Variants in APOL2 observed in about 807,000 individuals in gnomAD.
APOL2 encodes apolipoprotein L, 2.
Under a neutral mutation model 7.1 loss-of-function variants are expected in APOL2, and 8 were observed. That is an observed-to-expected ratio of 1.12 (90% confidence interval 0.66 to 2.03). The LOEUF (loss-of-function observed/expected upper bound fraction) is 2.03, where lower values mean the gene tolerates loss of function less well. APOL2 is among the 30% of genes most tolerant of loss of function. The pLI, the probability that APOL2 is intolerant of heterozygous loss-of-function variation, is 0.00. For synonymous variants in APOL2, 177 were observed against 159.9 expected (o/e 1.11, Z -0.81); for missense variants, 471 against 415.1 (o/e 1.13, Z -1.17).
chr22:36,232,233 T>G (rs1221034501), intron 3 of APOL2, among the ~76,000 whole-genome samples: 3 of 152,278 alleles, frequency 2.0e-5, no homozygotes, highest in African/African-American at 7.2e-5. Flanking sequence ...TTTGGTTTTC[T>G]CAATTCATGA....
At chr22:36,229,498 C>G (rs994858428) in intron 4 of APOL2, among the ~76,000 whole-genome samples, 70 of 152,358 alleles carry the variant, frequency 4.6e-4, no homozygotes, top group African/African-American at 1.5e-3. Context: ...AGAACACAGC[C>G]TCCTGAGGAC....
At chr22:36,235,385 C>T (rs1245044902) in intron 1 of APOL2, among the ~76,000 whole-genome samples, 1 of 151,960 alleles carries the variant, frequency 6.6e-6, no homozygotes, top group Non-Finnish European at 1.5e-5. Flanking sequence ...GGAAACAGAC[C>T]AAGATGACCA....
chr22:36,237,291 C>A, intron 1 of APOL2: 1 of 1,351,890 alleles, frequency 7.4e-7, no homozygotes, highest in South Asian at 2.1e-5. Flanking sequence ...CAGCTCTGAG[C>A]CAAGCTCTCC....
In APOL2 at chr22:36,233,245, G is replaced by A. The variant is rs771624821; in HGVS notation, c.-79-4C>T. 1 of 1,613,994 alleles carries A rather than the reference G, an allele frequency of 6.2e-7. No individual in the cohort carries two copies. Among genetic ancestry groups the A allele is most frequent in the Non-Finnish European group, 8.5e-7 (1 of 1,179,958 alleles). On this transcript the variant is annotated splice_region_variant and splice_polypyrimidine_tract_variant and intron_variant, in intron 2 of 4. Transcript: ENST00000358502. The stretch of plus-strand genomic sequence containing the variant: ...GACTGGAAGGTTTTCCTTAACCCTT[G>A]AGAACGAGAAAACAAATTGTGGGAT...
In APOL2 at chr22:36,228,126, T is replaced by C; in HGVS notation, c.292A>G (p.Lys98Glu). Residue 98 changes from lysine to glutamate, a missense_variant, in exon 5 of 5, where the codon AAG becomes GAG. By Grantham distance (56) the Lys-to-Glu change is moderately conservative. Transcript: ENST00000358502. ...LKRELEDHIR[K>E]LRALAEEVEQ... ...ACCTCCTCTGCAAGGGCACGGAGCT[T>C]CCTTATGTGATCCTCAAGCTCCCTT... is the stretch of plus-strand genomic sequence containing the variant. 1 of 1,614,200 alleles carries C rather than the reference T, an allele frequency of 6.2e-7. No homozygotes were observed. Among genetic ancestry groups the C allele is most frequent in the Non-Finnish European group, 8.5e-7 (1 of 1,180,040 alleles).
intron 3 of APOL2, 57 bp from the exon 4 acceptor site, chr22:36,231,523 C>T (rs1261443459): frequency 8.9e-6 from 14 of 1,581,498 alleles, no homozygotes; most frequent in Admixed American, 1.7e-5. Context: ...GCATAACAGC[C>T]ATTGCACATT....
upstream of APOL2, chr22:36,239,925 C>G (rs1290992496): frequency 5.2e-6 from 1 of 190,808 alleles, no homozygotes; most frequent in African/African-American, 2.3e-5. Context: ...CAGTGCAATT[C>G]CAGGCTCTGC....
chr22:36,233,149 C>A lies in APOL2; in HGVS notation c.10+4G>T. 6.2e-7 allele frequency: 1 copy of A among 1,614,008 alleles called. No individual in the cohort carries two copies. ...ACTAGCCAGGAAAGAGGAAGCGAGCCTACCTGGGTTCATGGTGCCAGCGGC... is the reference window on the plus strand; with the variant it reads ...ACTAGCCAGGAAAGAGGAAGCGAGCATACCTGGGTTCATGGTGCCAGCGGC... On this transcript the variant is annotated splice_donor_region_variant and intron_variant, in intron 3 of 4. Transcript: ENST00000358502.
chr22:36,231,497 AG>A, intron 3 of APOL2, 31 bp from the exon 4 acceptor site: 3 of 1,608,842 alleles, frequency 1.9e-6, no homozygotes, highest in Non-Finnish European at 2.6e-6. Context: ...ATAAGGTTGG[AG>A]GATAGTGTAG....
At chr22:36,231,973 C>A (rs895745363) in intron 3 of APOL2, among the ~76,000 whole-genome samples, 1 of 152,202 alleles carries the variant, frequency 6.6e-6, no homozygotes, top group Non-Finnish European at 1.5e-5. Flanking sequence ...TTTGTTTTTT[C>A]TTTGACTCAA....
Position 36,231,363 on chromosome 22 carries a change from G to T in APOL2, c.114C>A (p.Phe38Leu), listed in dbSNP as rs748031710. 4.3e-6 allele frequency: 7 copies of T among 1,614,020 alleles called. No homozygotes were observed. The Admixed American group carries it at 5.0e-5, about 12-fold the overall frequency. Residue 38 changes from phenylalanine to leucine, a missense_variant, in exon 4 of 5, where the codon TTC (phenylalanine) becomes TTA (leucine). Coordinates refer to ENST00000358502, the MANE Select transcript of APOL2 (RefSeq NM_030882.4). ...LLTDDEAWNG[F>L]VAAAELPRDE... is the part of the protein sequence containing the mutation. ...ACCTGGGCAGTTCAGCAGCAGCCAC[G>T]AATCCATTCCAGGCTTCATCATCAG...
intron 1 of APOL2, chr22:36,234,465 T>C (rs2015334795): frequency 6.6e-6 from 1 of 152,220 alleles, no homozygotes; most frequent in Non-Finnish European, 1.5e-5. Context: ...AAGTGCTGGA[T>C]TACAAACATG....
At position 36,226,887 on chromosome 22, in the gene APOL2, T is replaced by C. The variant is rs2015012180; in HGVS notation, c.*517A>G. ...TCTCCTCCCTTATTGCAGGCTCCAG[T>C]GTTCCTGCCTTCTCCTTGGTGCACT... On this transcript the variant is annotated 3_prime_UTR_variant, in exon 5 of 5. Transcript: ENST00000358502. 1 of 161,432 alleles carries C rather than the reference T, an allele frequency of 6.2e-6. No individual in the cohort carries two copies. 10.0% of individuals were successfully genotyped at this position (161,432 alleles called of 1,614,324 possible).
At chr22:36,239,138 T>G in intron 1 of APOL2, 1 of 1,201,066 alleles carries the variant, frequency 8.3e-7, no homozygotes, top group Non-Finnish European at 1.0e-6. Context: ...ACACCTACCT[T>G]TCTTCTGGGG....
At chr22:36,236,590 T>A in intron 1 of APOL2, 1 of 985,418 alleles carries the variant, frequency 1.0e-6, no homozygotes, top group Non-Finnish European at 1.2e-6. Context: ...ATTGTTCTTT[T>A]CTCACCTTGT....
At chr22:36,238,016 G>A (rs563804360) in intron 1 of APOL2, among the ~76,000 whole-genome samples, 11 of 152,188 alleles carry the variant, frequency 7.2e-5, no homozygotes, top group South Asian at 2.1e-4. Context: ...TGGTCCATGC[G>A]GCGGCCCCCA....
chr22:36,229,037 G>A (rs961335544), intron 4 of APOL2, among the ~76,000 whole-genome samples: 30 of 152,148 alleles, frequency 2.0e-4, no homozygotes, highest in African/African-American at 6.3e-4. Context: ...ACTAGGCGCC[G>A]ACCTTGGCCT....
chr22:36,228,487 A>C (rs2015104127), intron 4 of APOL2, among the ~76,000 whole-genome samples: 1 of 152,246 alleles, frequency 6.6e-6, no homozygotes, highest in Admixed American at 6.5e-5. Flanking sequence ...ATATGGAAAT[A>C]AATATCTTAA....
At position 36,228,260 on chromosome 22, in the gene APOL2, C is replaced by A. The variant is rs749979854; in HGVS notation, c.158G>T (p.Arg53Leu). 2 of 1,613,726 alleles carry A rather than the reference C, an allele frequency of 1.2e-6. No individual in the cohort carries two copies. The highest frequency in any genetic ancestry group is 1.7e-5 in the Admixed American group (1 of 59,984). The change falls in exon 5 of 5, where the codon CGT becomes CTT. Residue 53 changes from arginine (R) to leucine (L), a missense_variant. Arg to Leu is a moderately radical substitution (Grantham distance 102). Transcript: ENST00000358502. The part of the protein sequence containing the change: ...ELPRDEADEL[R>L]KALNKLASHM... ...ACTTGCAAGCTTGTTCAGAGCTTTA[C>A]GGAGCTCATCTGCCTCATCCCTGCA...
Sources: gnomAD v4.1 joint callset for allele counts (sites outside exome capture counted in the v4.1 genomes callset) on GRCh38, gnomAD v4.1.1 for gene constraint, MANE v1.5 for transcripts, NCBI Gene and HGNC (gene_info 2026-07-23, HGNC 2026-07-21) for gene names.